BLTP1: variants seen among roughly 807,000 people sequenced by gnomAD.
BLTP1 encodes the protein fragile site-associated protein.
At chr4:122,274,540 G>C in the BLTP1 span, 1 of 1,459,842 alleles carries the variant, frequency 6.9e-7, no homozygotes, top group East Asian at 2.8e-5. Flanking sequence ...TACAATATCA[G>C]TTCCCAGATA....
chr4:122,258,700 G>A, the BLTP1 span: 2 of 1,612,314 alleles, frequency 1.2e-6, no homozygotes, highest in Non-Finnish European at 1.7e-6. Flanking sequence ...AACTGTTTCA[G>A]CCACAGTCAG....
the BLTP1 span, among the ~76,000 whole-genome samples, chr4:122,213,042 G>A: frequency 3.9e-4 from 60 of 152,104 alleles, no homozygotes; most frequent in African/African-American, 1.3e-3. Flanking sequence ...TTTTGGTTTC[G>A]GTTTTTAAGA....
the BLTP1 span, chr4:122,239,485 A>T: frequency 6.8e-7 from 1 of 1,477,138 alleles, no homozygotes; most frequent in Non-Finnish European, 9.1e-7. Context: ...TGATGTATAG[A>T]AAATGGTAAT....
chr4:122,294,369 C>T, the BLTP1 span, among the ~76,000 whole-genome samples: 9 of 152,134 alleles, frequency 5.9e-5, no homozygotes, highest in African/African-American at 2.2e-4. Context: ...AGCATTAGGT[C>T]GGTACCTGGG....
At chr4:122,265,518 C>T in the BLTP1 span, among the ~76,000 whole-genome samples, 8 of 152,122 alleles carry the variant, frequency 5.3e-5, no homozygotes, top group African/African-American at 1.9e-4. Flanking sequence ...AAGGAAAGAA[C>T]GGTTAGCAGA....
chr4:122,313,861 TTA>T, the BLTP1 span: 8,320 of 168,956 alleles, frequency 0.049, 287 homozygotes, highest in Non-Finnish European at 0.068. Flanking sequence ...TACTGTGTGT[TTA>T]TATATATATA....
the BLTP1 span, among the ~76,000 whole-genome samples, chr4:122,162,870 T>C: frequency 6.6e-6 from 1 of 152,244 alleles, no homozygotes; most frequent in African/African-American, 2.4e-5. Context: ...CAGAATCTCC[T>C]TGCATTTGGG....
the BLTP1 span, chr4:122,247,537 T>C: frequency 9.6e-7 from 1 of 1,037,860 alleles, no homozygotes; most frequent in Non-Finnish European, 1.3e-6. Flanking sequence ...TCACATTCTG[T>C]ACAGAATAGA....
the BLTP1 span, chr4:122,298,097 A>G: frequency 1.5e-6 from 1 of 683,012 alleles, no homozygotes; most frequent in African/African-American, 1.9e-5. Flanking sequence ...CCAATATTAG[A>G]TACATAGATA....
chr4:122,177,388 C>G, the BLTP1 span, among the ~76,000 whole-genome samples: 1 of 152,150 alleles, frequency 6.6e-6, no homozygotes, highest in Non-Finnish European at 1.5e-5. Context: ...CTCCCTGCTT[C>G]TGTGCACTTG....
chr4:122,262,186 G>GTGTA, the BLTP1 span, among the ~76,000 whole-genome samples: 1 of 149,980 alleles, frequency 6.7e-6, no homozygotes, highest in Admixed American at 6.6e-5. Flanking sequence ...GTGTGTGTGT[G>GTGTA]TATAGTAAGT....
At chr4:122,198,326 G>A in the BLTP1 span, 1 of 985,166 alleles carries the variant, frequency 1.0e-6, no homozygotes, top group African/African-American at 1.7e-5. Context: ...CTAATTCAGA[G>A]TACGCAGTTC....
the BLTP1 span, chr4:122,235,156 T>C: frequency 1.1e-6 from 1 of 900,272 alleles, no homozygotes; most frequent in Non-Finnish European, 1.6e-6. Flanking sequence ...TTTAGTATAA[T>C]CCACCTTTGT....
the BLTP1 span, chr4:122,246,072 G>A: frequency 2.8e-6 from 4 of 1,418,780 alleles, no homozygotes; most frequent in East Asian, 2.6e-5. Flanking sequence ...GAGGGGCAGC[G>A]TGAATAAGTG....
the BLTP1 span, chr4:122,246,657 G>A: frequency 6.3e-7 from 1 of 1,596,022 alleles, no homozygotes; most frequent in Non-Finnish European, 8.5e-7. Context: ...TCACTTGTCA[G>A]TTCTGAAATT....
chr4:122,301,104 A>G, the BLTP1 span: 2 of 791,518 alleles, frequency 2.5e-6, no homozygotes, highest in Non-Finnish European at 3.1e-6. Context: ...ATAAAATGTT[A>G]TTAATAAATG....
At chr4:122,319,831 G>C in the BLTP1 span, among the ~76,000 whole-genome samples, 1 of 152,062 alleles carries the variant, frequency 6.6e-6, no homozygotes, top group Admixed American at 6.6e-5. Flanking sequence ...GAGCCACCAT[G>C]CCTGGCCATG....
the BLTP1 span, chr4:122,263,537 A>C: frequency 6.2e-7 from 1 of 1,613,246 alleles, no homozygotes; most frequent in African/African-American, 1.3e-5. Flanking sequence ...TGCTGTGGGT[A>C]ATCGAGGAAG....
the BLTP1 span, chr4:122,232,266 G>A: frequency 5.1e-5 from 17 of 336,592 alleles, no homozygotes; most frequent in South Asian, 8.4e-4. Context: ...CAGCCAAAGC[G>A]GTAGCCAGTC....
Sources: allele counts gnomAD v4.1 joint callset (sites outside exome capture counted in the v4.1 genomes callset), GRCh38; gene constraint gnomAD v4.1.1; transcripts MANE v1.5; gene names NCBI Gene and HGNC (gene_info 2026-07-23, HGNC 2026-07-21).